ABCB1: variants seen among roughly 807,000 people sequenced by gnomAD.
ABCB1 encodes the protein ATP-dependent translocase ABCB1.
Under a neutral mutation model 142.0 loss-of-function variants are expected in ABCB1, and 69 were observed. The ratio of observed to expected loss-of-function variants is 0.49; its 90% CI spans 0.40 to 0.59. The LOEUF is 0.59. Ranked by LOEUF, ABCB1 falls within the 20% of genes least tolerant of loss-of-function variation. The probability of loss-of-function intolerance (pLI) is 0.00; values close to 1 mark genes in which losing one functional copy is unlikely to be tolerated. For synonymous variants in ABCB1, 532 were observed against 539.2 expected, an observed-to-expected ratio of 0.99 and a Z score of 0.18; for missense variants, 1,326 against 1,554.7, an observed-to-expected ratio of 0.85 and a Z score of 2.47.
At chr7:87,555,081 A>G (rs1198313098) in intron 8 of ABCB1, among the ~76,000 whole-genome samples, 2 of 152,356 alleles carry the variant, frequency 1.3e-5, no homozygotes. Context: ...GATGATGTCT[A>G]TAACTCGACC....
intron 21 of ABCB1, among the ~76,000 whole-genome samples, chr7:87,527,423 G>A (rs1392044974): frequency 2.0e-5 from 3 of 152,040 alleles, no homozygotes; most frequent in African/African-American, 7.2e-5. Context: ...GTTTTGTTTT[G>A]TTTTCTTTTA....
intron 1 of ABCB1, among the ~76,000 whole-genome samples, chr7:87,682,351 C>T (rs1293230944): frequency 2.6e-5 from 4 of 152,178 alleles, no homozygotes; most frequent in Non-Finnish European, 4.4e-5. Flanking sequence ...TCATAAATCT[C>T]GAATGTTCTT....
chr7:87,606,928 C>T (rs1434653367), intron 1 of ABCB1, among the ~76,000 whole-genome samples: 1 of 152,060 alleles, frequency 6.6e-6, no homozygotes, highest in African/African-American at 2.4e-5. Flanking sequence ...TTAAGGGACA[C>T]TCACATTGAA....
intron 26 of ABCB1, among the ~76,000 whole-genome samples, chr7:87,506,419 C>T (rs1280758263): frequency 6.6e-6 from 1 of 152,162 alleles, no homozygotes; most frequent in Non-Finnish European, 1.5e-5. Context: ...TGAAGCTCAT[C>T]TTACTTGTAA....
chr7:87,648,058 G>A (rs1039555430), intron 1 of ABCB1, among the ~76,000 whole-genome samples: 4 of 151,716 alleles, frequency 2.6e-5, no homozygotes, highest in East Asian at 1.9e-4. Flanking sequence ...GGTGGTGGGC[G>A]CCTGTAGTCC....
At chr7:87,663,333 C>T (rs1359571322) in intron 1 of ABCB1, among the ~76,000 whole-genome samples, 1 of 152,036 alleles carries the variant, frequency 6.6e-6, no homozygotes, top group Non-Finnish European at 1.5e-5. Flanking sequence ...TACCCATTGA[C>T]GCTATTAACT....
intron 1 of ABCB1, among the ~76,000 whole-genome samples, chr7:87,671,356 G>C (rs1267988906): frequency 1.3e-5 from 2 of 152,180 alleles, no homozygotes; most frequent in African/African-American, 2.4e-5. Flanking sequence ...TGTCCAGGGA[G>C]TTGCCAAGTT....
chr7:87,648,779 T>G (rs975519828), intron 1 of ABCB1, among the ~76,000 whole-genome samples: 2 of 152,130 alleles, frequency 1.3e-5, no homozygotes, highest in Admixed American at 1.3e-4. Context: ...AAATTATAAT[T>G]TTTACTTAAT....
chr7:87,708,097 A>G lies in ABCB1; in HGVS notation c.-331+5064T>C, dbSNP rs571743666. On this transcript the variant is annotated intron_variant, in intron 1 of 28. Coordinates refer to the ABCB1 transcript ENST00000265724. Reference sequence around the variant, plus strand: ...ATTGGTTACCAAAACTTTCATCTCAAGAAGCTATGAAAAAAGAAATACATT... The same window carrying G: ...ATTGGTTACCAAAACTTTCATCTCAGGAAGCTATGAAAAAAGAAATACATT... 2.6e-5 allele frequency among the ~76,000 whole-genome samples: 4 copies of G among 152,276 alleles called. No homozygotes were observed. The South Asian group carries it at 8.3e-4, about 32-fold the overall frequency.
At chr7:87,508,145 G>A (rs6979885) in intron 26 of ABCB1, among the ~76,000 whole-genome samples, 34,582 of 151,982 alleles carry the variant, frequency 0.23, 4,150 homozygotes, top group Admixed American at 0.3. Context: ...ATAAAGGTTG[G>A]AAAAAATCTA....
intron 5 of ABCB1, among the ~76,000 whole-genome samples, chr7:87,569,478 G>A (rs1317694177): frequency 6.6e-6 from 1 of 151,936 alleles, no homozygotes; most frequent in Non-Finnish European, 1.5e-5. Context: ...TTCAAGATAT[G>A]TAAATCATTA....
intron 21 of ABCB1, among the ~76,000 whole-genome samples, chr7:87,526,255 A>G (rs1164955293): frequency 6.6e-6 from 1 of 151,454 alleles, no homozygotes; most frequent in Non-Finnish European, 1.5e-5. Flanking sequence ...ATCTGGACAC[A>G]GTTTTCTCCA....
intron 5 of ABCB1, among the ~76,000 whole-genome samples, chr7:87,568,649 G>GA (rs1817900044): frequency 6.6e-6 from 1 of 152,294 alleles, no homozygotes; most frequent in Non-Finnish European, 1.5e-5. Context: ...AGCCCATCAG[G>GA]AATCTTGGGA....
Position 87,712,692 on chromosome 7 carries a change from A to G in ABCB1, c.-331+469T>C, listed in dbSNP as rs554461834. On this transcript the variant is annotated intron_variant, in intron 1 of 28. Transcript: ENST00000265724. ...TCTGCCTTGTTCTTAAGTGTTAACC[A>G]TGCTTTTTCATAGAAAGGAAATGAT... Among the ~76,000 whole-genome samples the G allele has an allele frequency of 5.9e-5, 9 of 152,212 alleles. No individual in the cohort carries two copies. In the East Asian group the frequency reaches 1.5e-3, roughly 26 times the overall value.
At chr7:87,603,605 G>T (rs1819544504), upstream of ABCB1, among the ~76,000 whole-genome samples, 2 of 152,116 alleles carry the variant, frequency 1.3e-5, no homozygotes, top group Admixed American at 1.3e-4. Context: ...ACATGTACAT[G>T]TTCACTCCAT....
chr7:87,515,117 G>C, intron 25 of ABCB1, 114 bp downstream of exon 25: 1 of 1,333,516 alleles, frequency 7.5e-7, no homozygotes, highest in Non-Finnish European at 1.0e-6. Flanking sequence ...CTTTATCCAA[G>C]TGGGACTGTT....
chr7:87,555,708 A>C (rs1817278015), intron 8 of ABCB1, among the ~76,000 whole-genome samples: 2 of 152,154 alleles, frequency 1.3e-5, no homozygotes, highest in South Asian at 2.1e-4. Flanking sequence ...GAAACGTTTC[A>C]ATTATTTATA....
At chr7:87,586,086 A>C (rs899787910) in intron 3 of ABCB1, among the ~76,000 whole-genome samples, 1 of 152,236 alleles carries the variant, frequency 6.6e-6, no homozygotes. Flanking sequence ...CATGGAGGAA[A>C]CATTGTGTTG....
chr7:87,617,282 T>C (rs932785737), intron 1 of ABCB1, among the ~76,000 whole-genome samples: 1 of 152,236 alleles, frequency 6.6e-6, no homozygotes, highest in Middle Eastern at 3.2e-3. Flanking sequence ...AATTCTTATC[T>C]GTTCTCCAAT....
Sources: allele counts gnomAD v4.1 joint callset (sites outside exome capture counted in the v4.1 genomes callset), GRCh38; gene constraint gnomAD v4.1.1; transcripts MANE v1.5; gene names NCBI Gene and HGNC (gene_info 2026-07-23, HGNC 2026-07-21).